The following EXOC6B variants were observed in gnomAD, a reference collection of about 807,000 sequenced individuals.
EXOC6B encodes exocyst complex component 6B.
A neutral mutation model predicts 113.5 loss-of-function variants in EXOC6B; 54 were observed. The observed-to-expected ratio is 0.48, with a 90% CI of 0.38 to 0.60. The LOEUF (loss-of-function observed/expected upper bound fraction) is 0.60, where lower values mean the gene tolerates loss of function less well. Among genes scored for constraint, EXOC6B ranks in the 20% least tolerant of loss-of-function variants. The pLI is 0.00. For synonymous variants in EXOC6B, 357 were observed against 339.0 expected (o/e 1.05, Z -0.58); for missense variants, 797 against 977.5 (o/e 0.82, Z 2.46).
At chr2:72,522,692 C>T (rs1701555960) in intron 8 of EXOC6B, among the ~76,000 whole-genome samples, 1 of 152,138 alleles carries the variant, frequency 6.6e-6, no homozygotes, top group African/African-American at 2.4e-5. Context: ...ATCATACTTT[C>T]TTTCAGGCTT....
intron 6 of EXOC6B, among the ~76,000 whole-genome samples, chr2:72,612,856 A>T (rs575647874): frequency 6.6e-6 from 1 of 152,356 alleles, no homozygotes; most frequent in Admixed American, 6.5e-5. Flanking sequence ...ACATGTATGC[A>T]TTCCAAACAT....
At chr2:72,771,936 A>G (rs1327787542) in intron 1 of EXOC6B, among the ~76,000 whole-genome samples, 1 of 152,224 alleles carries the variant, frequency 6.6e-6, no homozygotes. Context: ...TGTCAGCAAG[A>G]TGGCAGAATA....
chr2:72,264,836 T>A (rs966959057), intron 20 of EXOC6B, among the ~76,000 whole-genome samples: 3 of 152,070 alleles, frequency 2.0e-5, no homozygotes, highest in Non-Finnish European at 4.4e-5. Context: ...TGCTTTCCTC[T>A]ATGATCATAA....
At chr2:72,594,297 A>G (rs1442194854) in intron 6 of EXOC6B, among the ~76,000 whole-genome samples, 1 of 152,156 alleles carries the variant, frequency 6.6e-6, no homozygotes, top group African/African-American at 2.4e-5. Flanking sequence ...TTAAACATTT[A>G]AGGAAGAAAT....
At chr2:72,400,767 T>G (rs1255907319) in intron 18 of EXOC6B, among the ~76,000 whole-genome samples, 2 of 150,800 alleles carry the variant, frequency 1.3e-5, no homozygotes, top group Non-Finnish European at 3.0e-5. Context: ...TCAAAATAAC[T>G]ATTATTAAAA....
intron 6 of EXOC6B, among the ~76,000 whole-genome samples, chr2:72,627,695 C>G (rs2104243050): frequency 6.6e-6 from 1 of 152,274 alleles, no homozygotes; most frequent in African/African-American, 2.4e-5. Flanking sequence ...CATGCAATCT[C>G]TCTTTTTGGA....
intron 20 of EXOC6B, among the ~76,000 whole-genome samples, chr2:72,315,979 T>C (rs185964032): frequency 1.2e-3 from 183 of 152,324 alleles, no homozygotes; most frequent in Non-Finnish European, 2.2e-3. Flanking sequence ...GCAAGGATTA[T>C]TTGTAGACTA....
At chr2:72,374,961 G>C (rs1036408418) in intron 19 of EXOC6B, among the ~76,000 whole-genome samples, 4 of 151,592 alleles carry the variant, frequency 2.6e-5, no homozygotes, top group African/African-American at 9.7e-5. Flanking sequence ...AATTAAAAGA[G>C]AAAGATAGAA....
intron 6 of EXOC6B, among the ~76,000 whole-genome samples, chr2:72,639,956 G>A (rs530096063): frequency 1.4e-4 from 22 of 152,322 alleles, no homozygotes; most frequent in African/African-American, 3.4e-4. Flanking sequence ...AAAAGCCAGC[G>A]TGCTTTCTTT....
chr2:72,606,742 C>T (rs1670779846), intron 6 of EXOC6B, among the ~76,000 whole-genome samples: 1 of 151,476 alleles, frequency 6.6e-6, no homozygotes, highest in African/African-American at 2.4e-5. Context: ...GGTTTTCCTG[C>T]TTCAGCCTCT....
chr2:72,398,727 T>TACACACACACACACACACAC (rs60055732), intron 18 of EXOC6B, among the ~76,000 whole-genome samples: 1 of 138,996 alleles, frequency 7.2e-6, no homozygotes, highest in African/African-American at 2.7e-5. Flanking sequence ...TCTCTCTGTC[T>TACACACACACACACACACAC]ACACACACAC....
At chr2:72,714,588 A>C (rs1488422123) in intron 6 of EXOC6B, among the ~76,000 whole-genome samples, 1 of 152,182 alleles carries the variant, frequency 6.6e-6, no homozygotes, top group African/African-American at 2.4e-5. Flanking sequence ...AGGTGAACAC[A>C]TACAGATCTT....
At chr2:72,225,878 T>C (rs1174056498) in intron 20 of EXOC6B, among the ~76,000 whole-genome samples, 1 of 152,162 alleles carries the variant, frequency 6.6e-6, no homozygotes, top group Non-Finnish European at 1.5e-5. Flanking sequence ...CATGTAAGTA[T>C]ATAAATCTGT....
At chr2:72,265,789 A>C (rs1421643569) in intron 20 of EXOC6B, among the ~76,000 whole-genome samples, 7 of 152,190 alleles carry the variant, frequency 4.6e-5, no homozygotes, top group Non-Finnish European at 7.3e-5. Flanking sequence ...TGGCTGGGTC[A>C]AATGGTATTT....
At chr2:72,640,945 A>G (rs1673178420) in intron 6 of EXOC6B, among the ~76,000 whole-genome samples, 1 of 152,228 alleles carries the variant, frequency 6.6e-6, no homozygotes. Context: ...ATATGCACCC[A>G]ACACAGGATT....
At chr2:72,315,202 G>C (rs1687437820) in intron 20 of EXOC6B, among the ~76,000 whole-genome samples, 1 of 152,154 alleles carries the variant, frequency 6.6e-6, no homozygotes, top group Admixed American at 6.5e-5. Context: ...CTGGAAAAGA[G>C]CCTTCCAGAA....
chr2:72,381,963 C>G (rs775468486), intron 18 of EXOC6B, among the ~76,000 whole-genome samples: 1 of 152,024 alleles, frequency 6.6e-6, no homozygotes, highest in African/African-American at 2.4e-5. Flanking sequence ...TAATGATGAC[C>G]TATTTCAGTA....
At chr2:72,497,383 T>C (rs1700093852) in intron 13 of EXOC6B, among the ~76,000 whole-genome samples, 1 of 152,174 alleles carries the variant, frequency 6.6e-6, no homozygotes, top group Non-Finnish European at 1.5e-5. Flanking sequence ...TACTGCTCTA[T>C]ATCAAGGATG....
chr2:72,724,249 T>G (rs1680173914), intron 5 of EXOC6B, among the ~76,000 whole-genome samples: 1 of 152,024 alleles, frequency 6.6e-6, no homozygotes, highest in Non-Finnish European at 1.5e-5. Flanking sequence ...AGATGAACAC[T>G]TCCACAATCT....
Sources: allele counts gnomAD v4.1 joint callset (sites outside exome capture counted in the v4.1 genomes callset), GRCh38; gene constraint gnomAD v4.1.1; transcripts MANE v1.5; gene names NCBI Gene and HGNC (gene_info 2026-07-23, HGNC 2026-07-21).